The following ATXN2 variants were observed in gnomAD, a reference collection of about 807,000 sequenced individuals.
The protein encoded by ATXN2 is ataxin 2.
A neutral mutation model predicts 138.6 loss-of-function variants in ATXN2; 37 were observed. The observed-to-expected ratio is 0.27, with a 90% CI of 0.21 to 0.35. The LOEUF (loss-of-function observed/expected upper bound fraction) is 0.35, where lower values mean the gene tolerates loss of function less well. Among genes scored for constraint, ATXN2 ranks in the 10% least tolerant of loss-of-function variants. ATXN2 has a pLI of 1.00. For missense variants in ATXN2, 1,216 were observed against 1,480.3 expected (o/e 0.82, Z 2.93); for synonymous variants, 549 against 543.7 (o/e 1.01, Z -0.13).
In ATXN2 at chr12:111,544,256, C is replaced by T. The variant is rs6490182; in HGVS notation, c.571+8024G>A. ...GTACTGTCCATAGCAACAAGCACAG[C>T]AAGGAACACATCCCAGAGCTCTCTA... On this transcript the variant is annotated intron_variant, in intron 5 of 24. Coordinates refer to ENST00000673436, the MANE Select transcript of ATXN2 (RefSeq NM_001372574.1). Among the ~76,000 whole-genome samples the T allele has an allele frequency of 2.8e-3, 422 of 152,228 alleles. 4 individuals are homozygous for T. Among genetic ancestry groups the T allele is most frequent in the African/African-American group, 9.6e-3 (399 of 41,544 alleles).
At chr12:111,554,688 GGAGA>G (rs568442665) in intron 2 of ATXN2, among the ~76,000 whole-genome samples, 1 of 152,160 alleles carries the variant, frequency 6.6e-6, no homozygotes, top group Non-Finnish European at 1.5e-5. Context: ...ATCAATGGTT[GGAGA>G]GAGAGGAGGG....
At position 111,599,052 on chromosome 12, in the gene ATXN2, C is replaced by T. The variant is rs1369040689; in HGVS notation, c.-18G>A. 27 of 1,452,930 alleles carry T rather than the reference C, an allele frequency of 1.9e-5. No individual in the cohort carries two copies. The highest frequency in any genetic ancestry group is 2.4e-5 in the Non-Finnish European group (26 of 1,103,736). 90.0% of individuals were successfully genotyped at this position (1,452,930 alleles called of 1,614,324 possible). On this transcript the variant is annotated 5_prime_UTR_variant, in exon 1 of 25. The change creates a new upstream start codon in the 5' untranslated region. Coordinates refer to ENST00000673436, the MANE Select transcript of ATXN2 (RefSeq NM_001372574.1). ...AGCGACATGGTGAGGGGCCCATACACCGGCTCGCACGCCGGGCGGGGACAG... is the reference window on the plus strand; with the variant it reads ...AGCGACATGGTGAGGGGCCCATACATCGGCTCGCACGCCGGGCGGGGACAG...
intron 1 of ATXN2, among the ~76,000 whole-genome samples, chr12:111,579,509 G>A (rs568853166): frequency 1.3e-5 from 2 of 152,050 alleles, no homozygotes; most frequent in African/African-American, 4.8e-5. Context: ...TGATCCGCCT[G>A]CCTCGGCCTT....
intron 1 of ATXN2, among the ~76,000 whole-genome samples, chr12:111,574,031 C>T (rs896640704): frequency 1.3e-5 from 2 of 151,552 alleles, no homozygotes; most frequent in Non-Finnish European, 2.9e-5. Flanking sequence ...AGTATGGAGA[C>T]TTCCGGCCGG....
chr12:111,482,935 G>C (rs573431020), intron 18 of ATXN2: 3 of 151,948 alleles, frequency 2.0e-5, no homozygotes, highest in South Asian at 2.1e-4. Flanking sequence ...TTGGCTGGGC[G>C]CAGGCACTTT....
intron 1 of ATXN2, among the ~76,000 whole-genome samples, chr12:111,583,417 A>G (rs956868446): frequency 3.9e-5 from 6 of 152,142 alleles, no homozygotes; most frequent in Non-Finnish European, 7.3e-5. Flanking sequence ...GGATACAATC[A>G]ATAGTGAACA....
intron 21 of ATXN2, among the ~76,000 whole-genome samples, chr12:111,463,062 A>C (rs1875713545): frequency 6.6e-6 from 1 of 152,112 alleles, no homozygotes; most frequent in Non-Finnish European, 1.5e-5. Context: ...CATAATTAAC[A>C]AAGATTTAAG....
chr12:111,488,522 A>T lies in ATXN2; in HGVS notation c.2194T>A (p.Cys732Ser). The change falls in exon 15 of 25, where the codon TGT (cysteine) becomes AGT (serine). Residue 732 changes from cysteine to serine, a missense_variant. Transcript: ENST00000673436. ...SQGVQTSSPA[C>S]KQEKDDKEEK... Reference sequence around the variant, plus strand: ...TCCTTATCGTCTTTCTCTTGTTTACATGCTGGGCTGGAAGTCTGAACCCCT... The same window carrying T: ...TCCTTATCGTCTTTCTCTTGTTTACTTGCTGGGCTGGAAGTCTGAACCCCT... 1 of 1,613,940 alleles carries T rather than the reference A, an allele frequency of 6.2e-7. No homozygotes were observed. The highest frequency in any genetic ancestry group is 1.7e-5 in the Admixed American group (1 of 60,004).
chr12:111,517,986 T>C (rs909228698), intron 9 of ATXN2, among the ~76,000 whole-genome samples: 14 of 152,166 alleles, frequency 9.2e-5, no homozygotes, highest in African/African-American at 3.4e-4. Context: ...GGCCAAGTGA[T>C]TGTCTTGGGT....
chr12:111,479,429 A>G (rs926156625), intron 18 of ATXN2, among the ~76,000 whole-genome samples: 25 of 151,298 alleles, frequency 1.7e-4, no homozygotes, highest in African/African-American at 6.1e-4. Context: ...GAGAGAGACA[A>G]AAATTAGCCA....
At chr12:111,468,969 G>A (rs1325120259) in intron 20 of ATXN2, 1 of 152,038 alleles carries the variant, frequency 6.6e-6, no homozygotes, top group African/African-American at 2.4e-5. Flanking sequence ...CAAAGTGCTG[G>A]GATTACAGGC....
intron 14 of ATXN2, among the ~76,000 whole-genome samples, chr12:111,505,277 G>C (rs914081665): frequency 6.6e-6 from 1 of 152,024 alleles, no homozygotes. Context: ...ACCCAGAAGA[G>C]TAATAAACCT....
intron 6 of ATXN2, 54 bp from the exon 7 acceptor site, chr12:111,521,027 A>C: frequency 8.5e-7 from 1 of 1,171,014 alleles, no homozygotes; most frequent in Non-Finnish European, 1.2e-6. Context: ...GTTCCCTTTC[A>C]TTCAGTTATA....
chr12:111,554,024 A>G (rs973479759), intron 3 of ATXN2, 134 bp downstream of exon 3: 1 of 647,298 alleles, frequency 1.5e-6, no homozygotes, highest in African/African-American at 1.9e-5. Context: ...GTTCTAATCT[A>G]TTTCTCTAAA....
chr12:111,468,112 A>G (rs977075745), intron 20 of ATXN2, among the ~76,000 whole-genome samples: 5 of 152,394 alleles, frequency 3.3e-5, no homozygotes, highest in African/African-American at 1.2e-4. Flanking sequence ...TGTATAAACA[A>G]TCATAATGAA....
chr12:111,491,482 G>A (rs1441153528), intron 14 of ATXN2, among the ~76,000 whole-genome samples: 1 of 152,052 alleles, frequency 6.6e-6, no homozygotes, highest in Admixed American at 6.5e-5. Context: ...CCCAACTCCA[G>A]GTACCACAGC....
Position 111,510,399 on chromosome 12 carries a change from G to A in ATXN2, c.1742C>T (p.Thr581Ile). ...PASPASNRAV[T>I]PSSEAKDSRL... ...TTGTTACATACCCTCACTAGAAGGGGTAACAGCTCTGTTCGATGCAGGACT... is the reference window on the plus strand; with the variant it reads ...TTGTTACATACCCTCACTAGAAGGGATAACAGCTCTGTTCGATGCAGGACT... The change falls in exon 12 of 25, where the codon ACC becomes ATC. Residue 581 changes from threonine to isoleucine, a missense_variant. Physicochemically the swap from Thr to Ile is moderately conservative, Grantham distance 89. Around this residue, in one of 4 missense-constraint regions of ATXN2, gnomAD observed 215 missense variants for 210.0 expected, o/e 1.02. Coordinates refer to ENST00000673436, the MANE Select transcript of ATXN2 (RefSeq NM_001372574.1). 6.2e-7 allele frequency: 1 copy of A among 1,614,076 alleles called. No homozygotes were observed. The highest frequency in any genetic ancestry group is 8.5e-7 in the Non-Finnish European group (1 of 1,179,978).
At chr12:111,467,986 T>A (rs1876139466) in intron 20 of ATXN2, among the ~76,000 whole-genome samples, 1 of 152,224 alleles carries the variant, frequency 6.6e-6, no homozygotes, top group African/African-American at 2.4e-5. Context: ...ACTCTCCAAA[T>A]GCAATGGAAA....
chr12:111,495,185 G>A (rs1402242263), intron 14 of ATXN2, among the ~76,000 whole-genome samples: 1 of 151,858 alleles, frequency 6.6e-6, no homozygotes, highest in Non-Finnish European at 1.5e-5. Context: ...GCAGGCGCCT[G>A]TAATCCCAGC....
Sources: allele counts gnomAD v4.1 joint callset (sites outside exome capture counted in the v4.1 genomes callset), GRCh38; gene constraint gnomAD v4.1.1; regional missense constraint gnomAD v4.1.1; transcripts MANE v1.5; gene names NCBI Gene and HGNC (gene_info 2026-07-23, HGNC 2026-07-21).